TMEM8B: variants seen among roughly 807,000 people sequenced by gnomAD.
TMEM8B encodes transmembrane protein 8B.
TMEM8B carries 29 observed loss-of-function variants against 49.3 expected under a neutral mutation model. The observed-to-expected ratio is 0.59, with a 90% CI of 0.44 to 0.80. TMEM8B has a LOEUF of 0.80. Among genes scored for constraint, TMEM8B ranks in the 30% least tolerant of loss-of-function variants. TMEM8B has a pLI of 0.00. For missense variants in TMEM8B, 575 were observed against 658.5 expected (o/e 0.87, Z 1.39); for synonymous variants, 264 against 272.8 (o/e 0.97, Z 0.32).
Position 35,853,708 on chromosome 9 carries a change from C to G in TMEM8B, c.2643C>G (p.Ala881=). 2 of 1,614,138 alleles carry G rather than the reference C, an allele frequency of 1.2e-6. No individual in the cohort carries two copies. Among genetic ancestry groups the G allele is most frequent in the Non-Finnish European group, 1.7e-6 (2 of 1,179,986 alleles). ...GSVGFLLPPR[A]KTDHGVPSGA... ...TGGGCTTCCTGCTGCCCCCTCGTGC[C>G]AAGACTGACCACGGGGTCCCATCTG... is the stretch of plus-strand genomic sequence containing the variant. Residue 881 remains alanine (A), a synonymous_variant, in exon 13 of 13, where the codon GCC becomes GCG. Transcript: ENST00000643932. The surrounding 1 kb of genome is among the most constrained non-coding windows in gnomAD (Gnocchi z 4.2).
Position 35,845,726 on chromosome 9 carries a change from C to T in TMEM8B, c.1636-249C>T, listed in dbSNP as rs1831457659. On this transcript the variant is annotated intron_variant, in intron 6 of 12. Coordinates refer to ENST00000643932, the MANE Select transcript of TMEM8B (RefSeq NM_001042590.4). Reference sequence around the variant, plus strand: ...TGGACAGAATTGAAACACTTCTGCCCAAAGAACAGATTCAAAATTGGGCCT... The same window carrying T: ...TGGACAGAATTGAAACACTTCTGCCTAAAGAACAGATTCAAAATTGGGCCT... The T allele has an allele frequency of 4.1e-6, 4 of 985,314 alleles. No individual in the cohort carries two copies. In the South Asian group the frequency reaches 1.9e-4, roughly 46 times the overall value. 61.0% of individuals were successfully genotyped at this position (985,314 alleles called of 1,614,324 possible). A position where few individuals can be genotyped will look rare whatever the true frequency, so the allele number is the denominator to read the frequency against.
chr9:35,837,903 C>T (rs899651141), intron 3 of TMEM8B, among the ~76,000 whole-genome samples: 30 of 152,276 alleles, frequency 2.0e-4, no homozygotes, highest in African/African-American at 6.5e-4. Flanking sequence ...TACCATTTGG[C>T]ACCCAAATGG....
rs1831094963 is a variant in TMEM8B, at chr9:35,842,309, C to T, written c.1310-83C>T. 2 of 1,110,236 alleles carry T rather than the reference C, an allele frequency of 1.8e-6. No homozygotes were observed. Among genetic ancestry groups the T allele is most frequent in the African/African-American group, 1.6e-5 (1 of 63,020 alleles). 68.8% of individuals were successfully genotyped at this position (1,110,236 alleles called of 1,614,324 possible). A position where few individuals can be genotyped will look rare whatever the true frequency, so the allele number is the denominator to read the frequency against. On this transcript the variant is annotated intron_variant, in intron 5 of 12. Coordinates refer to ENST00000643932, the MANE Select transcript of TMEM8B (RefSeq NM_001042590.4). The surrounding 1 kb of genome is among the most constrained non-coding windows in gnomAD (Gnocchi z 5.6). Reference sequence around the variant, plus strand: ...CATCCTTCCCCACTCTTTGCGAAATCCTGTCTAGCTCAGATGTGTTTATGA... The same window carrying T: ...CATCCTTCCCCACTCTTTGCGAAATTCTGTCTAGCTCAGATGTGTTTATGA...
chr9:35,852,925 G>A lies in TMEM8B; in HGVS notation c.2274G>A (p.Val758=), dbSNP rs1347532925. 1.2e-6 allele frequency: 2 copies of A among 1,614,112 alleles called. No homozygotes were observed. The highest frequency in any genetic ancestry group is 1.7e-6 in the Non-Finnish European group (2 of 1,180,052). ...ATTTCCTGGGCTCCTTAATGTCCGT[G>A]TGGGTCACTGTCATTGCCATGGCTC... ...FCDFLGSLMS[V]WVTVIAMARL... is the part of the protein sequence containing the mutation. Residue 758 remains valine (V), a synonymous_variant, in exon 11 of 13, where the codon GTG becomes GTA. Transcript: ENST00000643932.
intron 3 of TMEM8B, among the ~76,000 whole-genome samples, chr9:35,840,329 C>T (rs1830846812): frequency 6.6e-6 from 1 of 152,116 alleles, no homozygotes; most frequent in South Asian, 2.1e-4. Context: ...GGGGCAGGGG[C>T]ATCAAAGATG....
chr9:35,833,866 T>G (rs991225580), intron 1 of TMEM8B, among the ~76,000 whole-genome samples: 1 of 152,154 alleles, frequency 6.6e-6, no homozygotes, highest in African/African-American at 2.4e-5. Flanking sequence ...TGAGCCAGTA[T>G]ACAGGCAGCG....
chr9:35,839,778 G>C (rs555308495), intron 3 of TMEM8B, among the ~76,000 whole-genome samples: 13 of 152,072 alleles, frequency 8.5e-5, no homozygotes, highest in Non-Finnish European at 1.3e-4. Flanking sequence ...TTGGTTCTTC[G>C]GGTTTGACAC....
rs574601595 is a variant in TMEM8B at position 35,861,929 on chromosome 9, A to G, written c.*8089A>G. Reference sequence around the variant, plus strand: ...GCAGGATTTCCTTCCTCTACCCTGAATCAGGGTGATTCTTAAAGGACAGTT... The same window carrying G: ...GCAGGATTTCCTTCCTCTACCCTGAGTCAGGGTGATTCTTAAAGGACAGTT... On this transcript the variant is annotated 3_prime_UTR_variant, in exon 13 of 13. Transcript: ENST00000643932. The G allele has an allele frequency of 5.9e-5, 9 of 152,312 alleles. 1 individual carries two copies. In the East Asian group the frequency reaches 1.7e-3, roughly 29 times the overall value. The allele number at this position is 152,312 out of a possible 1,614,324, so 9.4% of individuals were successfully genotyped here. A position where few individuals can be genotyped will look rare whatever the true frequency, so the allele number is the denominator to read the frequency against.
intron 1 of TMEM8B, among the ~76,000 whole-genome samples, chr9:35,831,045 G>A (rs565628142): frequency 2.0e-5 from 3 of 152,176 alleles, no homozygotes; most frequent in Non-Finnish European, 4.4e-5. Flanking sequence ...CAGAACAGCT[G>A]GGGGGTGGAG....
chr9:35,850,353 A>G (rs907988892), intron 10 of TMEM8B, among the ~76,000 whole-genome samples: 4 of 152,254 alleles, frequency 2.6e-5, no homozygotes, highest in South Asian at 2.1e-4. Flanking sequence ...AATAGAAGTC[A>G]GTTTGTAGTC....
chr9:35,839,764 T>A (rs1035716293), intron 3 of TMEM8B, among the ~76,000 whole-genome samples: 5 of 151,796 alleles, frequency 3.3e-5, no homozygotes, highest in Non-Finnish European at 5.9e-5. Context: ...CTTATGAGAG[T>A]CTTTTGGTTC....
rs1416763833 is a variant in TMEM8B at position 35,863,933 on chromosome 9, A to G, written c.*10093A>G. On this transcript the variant is annotated 3_prime_UTR_variant, in exon 13 of 13. Transcript: ENST00000643932. Reference sequence around the variant, plus strand: ...TAGTGGCCATCTACCAGTGTCACGCAGTGTCACGCTCGGTCATGGCCTGGA... The same window carrying G: ...TAGTGGCCATCTACCAGTGTCACGCGGTGTCACGCTCGGTCATGGCCTGGA... 1 of 152,254 alleles carries G rather than the reference A, an allele frequency of 6.6e-6. No individual in the cohort carries two copies. Among genetic ancestry groups the G allele is most frequent in the Non-Finnish European group, 1.5e-5 (1 of 68,078 alleles). 9.4% of individuals were successfully genotyped at this position (152,254 alleles called of 1,614,324 possible). A position where few individuals can be genotyped will look rare whatever the true frequency, so the allele number is the denominator to read the frequency against.
At position 35,846,277 on chromosome 9, in the gene TMEM8B, C is replaced by T. The variant is rs1564033862; in HGVS notation, c.1749C>T (p.Leu583=). ...CTTCAGAGTCCCTGGCCGGCTTCCTCCTCTCTGTCAGTGCCACCACCAGGG... is the reference window on the plus strand; with the variant it reads ...CTTCAGAGTCCCTGGCCGGCTTCCTTCTCTCTGTCAGTGCCACCACCAGGG... ...TCSKESLAGF[L]LSVSATTRVA... The change falls in exon 8 of 13, where the codon CTC becomes CTT. Residue 583 remains leucine (L), a synonymous_variant. Coordinates refer to ENST00000643932, the MANE Select transcript of TMEM8B (RefSeq NM_001042590.4). The T allele has an allele frequency of 1.9e-6, 3 of 1,614,242 alleles. No individual in the cohort carries two copies. The highest frequency in any genetic ancestry group is 1.7e-5 in the Admixed American group (1 of 60,024).
chr9:35,847,089 AT>A, intron 10 of TMEM8B, 94 bp downstream of exon 10: 13 of 1,614,190 alleles, frequency 8.1e-6, no homozygotes, highest in Non-Finnish European at 1.0e-5. Context: ...GGGTTTGGGA[AT>A]GTCTGTGCCT....
chr9:35,842,820 T>C lies in TMEM8B; in HGVS notation c.1635+103T>C. 7.8e-7 allele frequency: 1 copy of C among 1,287,616 alleles called. No homozygotes were observed. Among genetic ancestry groups the C allele is most frequent in the Non-Finnish European group, 1.0e-6 (1 of 957,198 alleles). The allele number at this position is 1,287,616 out of a possible 1,614,324, so 79.8% of individuals were successfully genotyped here. On this transcript the variant is annotated intron_variant, in intron 6 of 12. Transcript: ENST00000643932. The surrounding 1 kb of genome is among the most constrained non-coding windows in gnomAD (Gnocchi z 5.6). ...ACCTCCTCCAGGAAGCCTGTCCAGG[T>C]TGCTCCCACCCATCCTGACAATTAG...
chr9:35,829,263 C>T lies in TMEM8B; in HGVS notation c.-185C>T, dbSNP rs1276113508. On this transcript the variant is annotated 5_prime_UTR_variant, in exon 1 of 13. Coordinates refer to ENST00000643932, the MANE Select transcript of TMEM8B (RefSeq NM_001042590.4). ...CAAGTCGAGGCCGCCGCCGCGGGGCCTGGTTATCGCCGGTTCAGCGCAGCC... is the reference window on the plus strand; with the variant it reads ...CAAGTCGAGGCCGCCGCCGCGGGGCTTGGTTATCGCCGGTTCAGCGCAGCC... 1.4e-5 allele frequency: 5 copies of T among 356,560 alleles called. No homozygotes were observed. In the Admixed American group the frequency reaches 1.9e-4, roughly 13 times the overall value. 22.1% of individuals were successfully genotyped at this position (356,560 alleles called of 1,614,324 possible). A position where few individuals can be genotyped will look rare whatever the true frequency, so the allele number is the denominator to read the frequency against.
In TMEM8B at chr9:35,846,227, C is replaced by T. The variant is rs543983872; in HGVS notation, c.1730-31C>T. On this transcript the variant is annotated intron_variant, in intron 7 of 12. Transcript: ENST00000643932. The stretch of plus-strand genomic sequence containing the variant: ...GGTTCTTGGGTTCTGACCCCTCCTC[C>T]CTCTCACTGACTCCTTCCTTCTCCC... The T allele has an allele frequency of 3.8e-5, 61 of 1,613,280 alleles. No homozygotes were observed. The East Asian group carries it at 1.3e-3, about 35-fold the overall frequency.
At chr9:35,846,425 C>T in intron 8 of TMEM8B, 44 bp downstream of exon 8, 1 of 1,598,540 alleles carries the variant, frequency 6.3e-7, no homozygotes. Context: ...CGGGACTTGG[C>T]GGGGGTGGCC....
Position 35,852,910 on chromosome 9 carries a change from C to A in TMEM8B, c.2259C>A (p.Gly753=). 1.2e-6 allele frequency: 2 copies of A among 1,614,200 alleles called. No homozygotes were observed. Among genetic ancestry groups the A allele is most frequent in the Non-Finnish European group, 8.5e-7 (1 of 1,180,036 alleles). The part of the protein sequence containing the change: ...YDVLQFCDFL[G]SLMSVWVTVI... ...TGCTGCAGTTCTGTGATTTCCTGGGCTCCTTAATGTCCGTGTGGGTCACTG... is the reference window on the plus strand; with the variant it reads ...TGCTGCAGTTCTGTGATTTCCTGGGATCCTTAATGTCCGTGTGGGTCACTG... The change falls in exon 11 of 13, where the codon GGC becomes GGA. Residue 753 remains glycine (G), a synonymous_variant. Transcript: ENST00000643932.
Sources: allele counts gnomAD v4.1 joint callset (sites outside exome capture counted in the v4.1 genomes callset), GRCh38; gene constraint gnomAD v4.1.1; non-coding constraint Gnocchi (gnomAD v3.1); transcripts MANE v1.5; gene names NCBI Gene and HGNC (gene_info 2026-07-23, HGNC 2026-07-21).